The following RBFOX2 variants were observed in gnomAD, a reference collection of about 807,000 sequenced individuals.
The protein encoded by RBFOX2 is RNA binding fox-1 homolog 2, also known as RNA binding protein fox-1 homolog 2.
Under a neutral mutation model 49.1 loss-of-function variants are expected in RBFOX2, and 10 were observed. The ratio of observed to expected loss-of-function variants is 0.20; its 90% CI spans 0.13 to 0.35. The LOEUF is 0.35. Ranked by LOEUF, RBFOX2 falls within the 10% of genes least tolerant of loss-of-function variation. RBFOX2 has a pLI of 1.00. For missense variants in RBFOX2, 323 were observed against 486.9 expected (o/e 0.66, Z 3.17); for synonymous variants, 183 against 187.4 (o/e 0.98, Z 0.19).
Position 35,937,594 on chromosome 22 carries a change from TTA to T in RBFOX2, c.-34+1251_-34+1252del, listed in dbSNP as rs575185354. Among the ~76,000 whole-genome samples the T allele has an allele frequency of 3.5e-3, 530 of 152,284 alleles. 1 individual carries two copies. Among genetic ancestry groups the T allele is most frequent in the African/African-American group, 0.011 (471 of 41,540 alleles). On this transcript the variant is annotated intron_variant, in intron 1 of 13. Transcript: ENST00000359369. ...TTTGTAGTTGTTGTTTTTGTTTGTTTTATGTTTTGTTTTTGAGACAAAGTCTC... is the reference window on the plus strand; with the variant it reads ...TTTGTAGTTGTTGTTTTTGTTTGTTTTGTTTTGTTTTTGAGACAAAGTCTC...
At chr22:35,956,989 G>A (rs1180263354) in intron 1 of RBFOX2, among the ~76,000 whole-genome samples, 2 of 152,162 alleles carry the variant, frequency 1.3e-5, no homozygotes, top group African/African-American at 4.8e-5. Flanking sequence ...TAACTACTCA[G>A]TCGTCATTAC....
chr22:35,762,529 CAG>C (rs1491049631), intron 6 of RBFOX2, among the ~76,000 whole-genome samples: 1 of 121,070 alleles, frequency 8.3e-6, no homozygotes, highest in Non-Finnish European at 1.6e-5. Context: ...TTTTTTGAGA[CAG>C]AGTCTTGCTC....
At chr22:35,879,593 T>C (rs575455385) in intron 1 of RBFOX2, among the ~76,000 whole-genome samples, 2 of 152,240 alleles carry the variant, frequency 1.3e-5, no homozygotes, top group South Asian at 2.1e-4. Context: ...TAAGTAGCTG[T>C]GAGAAATGAG....
At chr22:35,942,322 A>C (rs753413832), upstream of RBFOX2, among the ~76,000 whole-genome samples, 7 of 152,188 alleles carry the variant, frequency 4.6e-5, no homozygotes, top group Non-Finnish European at 7.3e-5. Context: ...TAGGAATATA[A>C]GTATATTGGG....
chr22:36,008,677 G>C (rs1336906068), intron 1 of RBFOX2, among the ~76,000 whole-genome samples: 1 of 152,004 alleles, frequency 6.6e-6, no homozygotes, highest in African/African-American at 2.4e-5. Context: ...AATTAACTGG[G>C]CGTGGTGGCA....
intron 1 of RBFOX2, chr22:35,997,755 T>G (rs1017574935): frequency 6.6e-6 from 1 of 152,084 alleles, no homozygotes; most frequent in African/African-American, 2.4e-5. Context: ...CTTTGGGAGG[T>G]TGAGGCAGGA....
intron 1 of RBFOX2, among the ~76,000 whole-genome samples, chr22:36,009,931 G>A (rs905454664): frequency 3.5e-4 from 54 of 152,202 alleles, no homozygotes; most frequent in African/African-American, 1.3e-3. Context: ...TCCACTCCTC[G>A]GGTTGGCACT....
intron 1 of RBFOX2, among the ~76,000 whole-genome samples, chr22:35,946,292 C>G (rs529179170): frequency 6.6e-6 from 1 of 152,298 alleles, no homozygotes; most frequent in South Asian, 2.1e-4. Context: ...TCAGACTCTA[C>G]TAGTTATATT....
At chr22:35,848,216 G>A (rs1243531082) in intron 1 of RBFOX2, among the ~76,000 whole-genome samples, 2 of 152,060 alleles carry the variant, frequency 1.3e-5, no homozygotes, top group East Asian at 1.9e-4. Context: ...AAAAAGACCT[G>A]GTTCTAATCT....
At chr22:35,787,429 T>C (rs1946645921) in intron 2 of RBFOX2, among the ~76,000 whole-genome samples, 1 of 152,192 alleles carries the variant, frequency 6.6e-6, no homozygotes, top group Non-Finnish European at 1.5e-5. Flanking sequence ...AAAGGGATGC[T>C]GACATTTAAT....
intron 1 of RBFOX2, among the ~76,000 whole-genome samples, chr22:35,878,214 C>T (rs570576170): frequency 6.6e-6 from 1 of 151,856 alleles, no homozygotes; most frequent in Non-Finnish European, 1.5e-5. Context: ...CTGGCGAACA[C>T]GGTGAAACCC....
chr22:35,853,151 G>T (rs754081732), intron 1 of RBFOX2, among the ~76,000 whole-genome samples: 1 of 151,650 alleles, frequency 6.6e-6, no homozygotes, highest in Non-Finnish European at 1.5e-5. Flanking sequence ...AAAATTAGCC[G>T]GGCGTGGTGG....
At chr22:35,868,966 T>C (rs2044017712) in intron 1 of RBFOX2, among the ~76,000 whole-genome samples, 1 of 152,214 alleles carries the variant, frequency 6.6e-6, no homozygotes, top group Non-Finnish European at 1.5e-5. Context: ...CTACCTCTTT[T>C]GAATGTTTTC....
At chr22:35,909,151 A>G (rs1176403191) in intron 1 of RBFOX2, among the ~76,000 whole-genome samples, 1 of 152,080 alleles carries the variant, frequency 6.6e-6, no homozygotes, top group South Asian at 2.1e-4. Context: ...ACATCTCGCT[A>G]TCTTTCAGAA....
At chr22:36,027,333 T>A (rs2059477635) in intron 1 of RBFOX2, among the ~76,000 whole-genome samples, 1 of 152,080 alleles carries the variant, frequency 6.6e-6, no homozygotes, top group Non-Finnish European at 1.5e-5. Context: ...TAGGTGAGAC[T>A]CATCATGTCA....
chr22:36,026,051 G>C (rs2059420615), intron 1 of RBFOX2, among the ~76,000 whole-genome samples: 1 of 152,242 alleles, frequency 6.6e-6, no homozygotes, highest in East Asian at 1.9e-4. Flanking sequence ...AATCACCTGA[G>C]GTCAGGAGTT....
chr22:35,741,993 T>C (rs1293944993), exon 12 of RBFOX2: 1 of 152,280 alleles, frequency 6.6e-6, no homozygotes, highest in Non-Finnish European at 1.5e-5. Context: ...GTTTTTTTAG[T>C]CAGCTAAAGT....
chr22:36,001,555 C>T (rs1603464744), intron 1 of RBFOX2, among the ~76,000 whole-genome samples: 1 of 152,138 alleles, frequency 6.6e-6, no homozygotes, highest in East Asian at 1.9e-4. Flanking sequence ...AGGCCAGGAG[C>T]TTGAGACCAG....
chr22:35,823,902 C>T (rs1331263089), intron 1 of RBFOX2, among the ~76,000 whole-genome samples: 2 of 152,168 alleles, frequency 1.3e-5, no homozygotes, highest in African/African-American at 4.8e-5. Context: ...GTAATCCCAG[C>T]ACTGTGGAAG....
Sources: allele counts gnomAD v4.1 joint callset (sites outside exome capture counted in the v4.1 genomes callset), GRCh38; gene constraint gnomAD v4.1.1; transcripts MANE v1.5; gene names NCBI Gene and HGNC (gene_info 2026-07-23, HGNC 2026-07-21).